Variants in CCNJL observed in about 807,000 individuals in gnomAD.
CCNJL encodes cyclin-J-like protein.
In CCNJL, 33 loss-of-function variants were observed where a neutral mutation model predicts 33.4. That is an observed-to-expected ratio of 0.99 (90% CI 0.75 to 1.32). CCNJL has a LOEUF of 1.32. Ranked by LOEUF, CCNJL falls within the 40% of genes most tolerant of loss-of-function variation. CCNJL has a pLI of 0.00. For missense variants in CCNJL, 512 were observed against 499.7 expected (o/e 1.02, Z -0.23); for synonymous variants, 227 against 220.9 (o/e 1.03, Z -0.24).
chr5:160,279,646 C>T (rs1000703979), intron 3 of CCNJL, among the ~76,000 whole-genome samples: 1 of 152,052 alleles, frequency 6.6e-6, no homozygotes, highest in East Asian at 1.9e-4. Context: ...TGATGTTTAC[C>T]CAGAACCAGG....
Position 160,280,552 on chromosome 5 carries a change from C to G in CCNJL, c.253G>C (p.Val85Leu). 1.2e-6 allele frequency: 2 copies of G among 1,613,046 alleles called. No individual in the cohort carries two copies. The highest frequency in any genetic ancestry group is 1.7e-6 in the Non-Finnish European group (2 of 1,179,960). ...NVTTSKQLYT[V>L]AVSCLLLASK... ...GCAAGCAGGAGGCAGGAGACGGCCA[C>G]GGTGTAGAGCTGCTTGGAGGTGGTG... is the stretch of plus-strand genomic sequence containing the variant. Residue 85 changes from valine to leucine, a missense_variant, in exon 3 of 6, where the codon GTG (valine) becomes CTG (leucine). Coordinates refer to ENST00000257536, the MANE Select transcript of CCNJL (RefSeq NM_001308173.3).
chr5:160,289,150 C>T (rs191116720), intron 2 of CCNJL, among the ~76,000 whole-genome samples: 1 of 152,302 alleles, frequency 6.6e-6, no homozygotes, highest in East Asian at 1.9e-4. Context: ...CCTGACCTCC[C>T]TCCTACCCAG....
intron 1 of CCNJL, among the ~76,000 whole-genome samples, chr5:160,325,367 G>C (rs958659310): frequency 5.3e-5 from 8 of 152,066 alleles, no homozygotes; most frequent in Non-Finnish European, 1.2e-4. Context: ...CTCCTTTCCT[G>C]CTTGCCCAAT....
chr5:160,308,892 G>T (rs1328496774), intron 2 of CCNJL, among the ~76,000 whole-genome samples: 1 of 152,256 alleles, frequency 6.6e-6, no homozygotes, highest in Non-Finnish European at 1.5e-5. Flanking sequence ...AAGCAACCAT[G>T]TGAGAGTCTG....
Position 160,253,128 on chromosome 5 carries a change from C to A in CCNJL, c.*250G>T. 2.5e-6 allele frequency: 1 copy of A among 393,594 alleles called. No individual in the cohort carries two copies. The highest frequency in any genetic ancestry group is 4.0e-5 in the East Asian group (1 of 25,060). 24.4% of individuals were successfully genotyped at this position (393,594 alleles called of 1,614,324 possible). On this transcript the variant is annotated 3_prime_UTR_variant, in exon 6 of 6. Transcript: ENST00000257536. ...TTCACTGGGCCCCTGTGTGGGGGGACGGCCACCAAGCCATCCTTTTGTACC... is the reference window on the plus strand; with the variant it reads ...TTCACTGGGCCCCTGTGTGGGGGGAAGGCCACCAAGCCATCCTTTTGTACC...
intron 1 of CCNJL, among the ~76,000 whole-genome samples, chr5:160,318,023 G>GA (rs1554124799): frequency 7.0e-6 from 1 of 141,964 alleles, no homozygotes; most frequent in Admixed American, 7.0e-5. Context: ...TTCTTTTTTT[G>GA]TTTTTTTTTT....
chr5:160,327,006 G>T, intron 1 of CCNJL: 1 of 496,690 alleles, frequency 2.0e-6, no homozygotes, highest in South Asian at 1.8e-5. Context: ...TTGTTGAGAT[G>T]GATACAGTTT....
chr5:160,280,553 G>T lies in CCNJL; in HGVS notation c.252C>A (p.Thr84=). ...YNVTTSKQLY[T]VAVSCLLLAS... Reference sequence around the variant, plus strand: ...CAAGCAGGAGGCAGGAGACGGCCACGGTGTAGAGCTGCTTGGAGGTGGTGA... The same window carrying T: ...CAAGCAGGAGGCAGGAGACGGCCACTGTGTAGAGCTGCTTGGAGGTGGTGA... Residue 84 remains threonine, a synonymous_variant, in exon 3 of 6, where the codon ACC becomes ACA. Transcript: ENST00000257536. 1 of 1,613,180 alleles carries T rather than the reference G, an allele frequency of 6.2e-7. No homozygotes were observed.
intron 2 of CCNJL, among the ~76,000 whole-genome samples, chr5:160,284,907 CT>C (rs1298912346): frequency 6.6e-6 from 1 of 151,756 alleles, no homozygotes; most frequent in African/African-American, 2.4e-5. Context: ...TACCAGAAAA[CT>C]TTTTTATTTT....
At chr5:160,336,633 A>G (rs1763686607) in intron 1 of CCNJL, among the ~76,000 whole-genome samples, 1 of 152,198 alleles carries the variant, frequency 6.6e-6, no homozygotes, top group Non-Finnish European at 1.5e-5. Context: ...AAACTTACAC[A>G]GATGTTTTAT....
chr5:160,280,450 G>T, intron 3 of CCNJL, 75 bp downstream of exon 3: 2 of 1,181,476 alleles, frequency 1.7e-6, no homozygotes, highest in South Asian at 1.3e-5. Flanking sequence ...AATGTAAAGT[G>T]ATTTGGAAGC....
intron 4 of CCNJL, among the ~76,000 whole-genome samples, chr5:160,257,265 G>A (rs1227969477): frequency 6.6e-6 from 1 of 151,628 alleles, no homozygotes; most frequent in Non-Finnish European, 1.5e-5. Context: ...CACGAGGTCA[G>A]GAGATCGAGA....
intron 1 of CCNJL, among the ~76,000 whole-genome samples, chr5:160,329,571 G>A (rs866670761): frequency 6.6e-6 from 1 of 152,022 alleles, no homozygotes; most frequent in South Asian, 2.1e-4. Context: ...GGATGATCTC[G>A]ATCTCCTGAC....
rs775419000 is a variant in CCNJL at position 160,259,728 on chromosome 5, T to C, written c.324A>G (p.Gln108=). The change falls in exon 4 of 6, where the codon CAA becomes CAG. Residue 108 remains glutamine (Q), a synonymous_variant. Transcript: ENST00000257536. ...TGCTCAGGATCCTCGTGCTGTTTAT[T>C]TGCTCCAACTTGGGGACGTGGTCTT... The part of the protein sequence containing the change: ...DREDHVPKLE[Q]INSTRILSSQ... 1.2e-6 allele frequency: 2 copies of C among 1,613,572 alleles called. No individual in the cohort carries two copies. Among genetic ancestry groups the C allele is most frequent in the Non-Finnish European group, 1.7e-6 (2 of 1,179,532 alleles).
chr5:160,264,072 A>G (rs1224940084), intron 3 of CCNJL, among the ~76,000 whole-genome samples: 2 of 151,536 alleles, frequency 1.3e-5, no homozygotes, highest in Non-Finnish European at 2.9e-5. Context: ...CAGCCTCCTG[A>G]GTACCTAGGT....
In CCNJL at chr5:160,249,721, C is replaced by G. The variant is rs377274597; in HGVS notation, c.*3657G>C. On this transcript the variant is annotated 3_prime_UTR_variant, in exon 6 of 6. Coordinates refer to ENST00000257536, the MANE Select transcript of CCNJL (RefSeq NM_001308173.3). ...GAAGCTGCAGTGAGCCGTGACTGTG[C>G]CACTGCACTCTAGCCTGGGCCACAG... 3 of 151,514 alleles carry G rather than the reference C, an allele frequency of 2.0e-5. No homozygotes were observed. Among genetic ancestry groups the G allele is most frequent in the East Asian group, 3.9e-4 (2 of 5,130 alleles). 9.4% of individuals were successfully genotyped at this position (151,514 alleles called of 1,614,324 possible).
chr5:160,304,236 T>C (rs1410807758), intron 2 of CCNJL, among the ~76,000 whole-genome samples: 1 of 152,244 alleles, frequency 6.6e-6, no homozygotes, highest in East Asian at 1.9e-4. Context: ...CGCCAAGTTC[T>C]GGTTCAGTTT....
intron 1 of CCNJL, chr5:160,326,638 T>C: frequency 1.4e-6 from 1 of 690,598 alleles, no homozygotes; most frequent in South Asian, 1.4e-5. Context: ...AAGTAGGTTC[T>C]TAGAGTTAAA....
chr5:160,255,735 G>A, intron 4 of CCNJL, 27 bp from the exon 5 acceptor site: 1 of 1,608,114 alleles, frequency 6.2e-7, no homozygotes, highest in Non-Finnish European at 8.5e-7. Context: ...GAGGGAGTCA[G>A]CATCCAAATC....
Sources: gnomAD v4.1 joint callset for allele counts (sites outside exome capture counted in the v4.1 genomes callset) on GRCh38, gnomAD v4.1.1 for gene constraint, MANE v1.5 for transcripts, NCBI Gene and HGNC (gene_info 2026-07-23, HGNC 2026-07-21) for gene names.